Variants in DDX31 observed in about 807,000 individuals in gnomAD.
DDX31 encodes DEAD-box helicase 31, also known as ATP-dependent DNA helicase DDX31.
Under a neutral mutation model 91.3 loss-of-function variants are expected in DDX31, and 70 were observed. That is an observed-to-expected ratio of 0.77 (90% CI 0.63 to 0.94). The LOEUF is 0.94. DDX31 is among the 40% of genes least tolerant of loss of function. DDX31 has a pLI of 0.00. For missense variants in DDX31, 902 were observed against 925.0 expected, an observed-to-expected ratio of 0.98 and a Z score of 0.32; for synonymous variants, 362 against 350.6, an observed-to-expected ratio of 1.03 and a Z score of -0.36.
intron 6 of DDX31, among the ~76,000 whole-genome samples, chr9:132,653,493 T>TGAA (rs1834343966): frequency 3.1e-4 from 1 of 3,210 alleles, no homozygotes. Context: ...AAACTCAGTC[T>TGAA]CAAAAAAAAA....
At chr9:132,669,804 C>T in intron 1 of DDX31, 56 bp downstream of exon 1, 2 of 1,523,746 alleles carry the variant, frequency 1.3e-6, no homozygotes, top group Non-Finnish European at 1.8e-6. Flanking sequence ...CAGCTCGCGG[C>T]GCGCCCACAG....
At chr9:132,624,153 C>A (rs929866171) in intron 17 of DDX31, among the ~76,000 whole-genome samples, 1 of 115,678 alleles carries the variant, frequency 8.6e-6, no homozygotes, top group African/African-American at 3.5e-5. Flanking sequence ...GGCGACAGAG[C>A]GAGACTCCGT....
chr9:132,609,660 C>T lies in DDX31; in HGVS notation c.1994+2427G>A, dbSNP rs148729184. On this transcript the variant is annotated intron_variant, in intron 19 of 19. Transcript: ENST00000372159. ...TCTTTGAGACAGCGTCTCACTCTGT[C>T]GCCCAGGCTGGAGTGCAGTGGCGCG... Among the ~76,000 whole-genome samples, 42 of 152,124 alleles carry T rather than the reference C, an allele frequency of 2.8e-4. No individual in the cohort carries two copies. The East Asian group carries it at 7.9e-3, about 29-fold the overall frequency.
In DDX31 at chr9:132,632,560, A is replaced by AC. The variant is rs536849625; in HGVS notation, c.1441-470dup. ...TTGAGGAACACATTCATGGATTATC[A>AC]CCCCCCGCCCACAACCATGAGCAAC... is the stretch of plus-strand genomic sequence containing the variant. On this transcript the variant is annotated intron_variant, in intron 14 of 19. Transcript: ENST00000372159. Among the ~76,000 whole-genome samples, 370 of 151,354 alleles carry AC rather than the reference A, an allele frequency of 2.4e-3. 1 individual carries two copies. The highest frequency in any genetic ancestry group is 4.0e-3 in the Non-Finnish European group (270 of 67,830).
In DDX31 at chr9:132,635,988, T is replaced by C. The variant is rs148096379; in HGVS notation, c.1441-3897A>G. ...AAAAAGAAAAGAAACACACTCCTGC[T>C]TCCCCCAGCGTCGGAGGCAGGACTT... is the stretch of plus-strand genomic sequence containing the variant. On this transcript the variant is annotated intron_variant, in intron 14 of 19. Transcript: ENST00000372159. Among the ~76,000 whole-genome samples, 724 of 152,150 alleles carry C rather than the reference T, an allele frequency of 4.8e-3. 2 individuals are homozygous for C. Among genetic ancestry groups the C allele is most frequent in the Non-Finnish European group, 6.4e-3 (436 of 67,982 alleles).
At chr9:132,622,360 A>C (rs1004850018) in intron 17 of DDX31, among the ~76,000 whole-genome samples, 1 of 148,364 alleles carries the variant, frequency 6.7e-6, no homozygotes, top group Non-Finnish European at 1.5e-5. Context: ...AGCCAGGGAA[A>C]GTCTTAAGGA....
intron 13 of DDX31, among the ~76,000 whole-genome samples, chr9:132,643,359 G>C (rs11243856): frequency 1.8e-4 from 27 of 152,196 alleles, no homozygotes; most frequent in African/African-American, 6.5e-4. Context: ...CAAATACAAA[G>C]AAATAGAACC....
chr9:132,632,338 A>T (rs1832842570), intron 14 of DDX31, among the ~76,000 whole-genome samples: 1 of 149,126 alleles, frequency 6.7e-6, no homozygotes, highest in Non-Finnish European at 1.5e-5. Flanking sequence ...GACCTACTGC[A>T]GTCCTCTTGT....
intron 19 of DDX31, among the ~76,000 whole-genome samples, chr9:132,601,534 C>T (rs1830721232): frequency 6.6e-6 from 1 of 152,202 alleles, no homozygotes; most frequent in Non-Finnish European, 1.5e-5. Context: ...CACTGCTGAG[C>T]ATCCATCAGT....
At chr9:132,657,458 A>C (rs1281829837) in intron 6 of DDX31, among the ~76,000 whole-genome samples, 1 of 152,164 alleles carries the variant, frequency 6.6e-6, no homozygotes, top group Non-Finnish European at 1.5e-5. Flanking sequence ...TCATTTGTAT[A>C]TTTATTTATT....
Position 132,658,358 on chromosome 9 carries a change from C to G in DDX31, c.588+313G>C, listed in dbSNP as rs960740520. ...TCGTAAAATGTGGATAACAGTAATA[C>G]CTATAACACAGTGGGGGAGAGAGCA... On this transcript the variant is annotated intron_variant, in intron 6 of 19. Coordinates refer to ENST00000372159, the MANE Select transcript of DDX31 (RefSeq NM_022779.9). 11 of 703,140 alleles carry G rather than the reference C, an allele frequency of 1.6e-5. No individual in the cohort carries two copies. In the African/African-American group the frequency reaches 1.9e-4, roughly 12 times the overall value. 43.6% of individuals were successfully genotyped at this position (703,140 alleles called of 1,614,324 possible).
In DDX31 at chr9:132,659,740, C is replaced by G. The variant is rs752222796; in HGVS notation, c.493G>C (p.Asp165His). ...CCCGTCTGGGATCTCACGAGAGCAT[C>G]TCTGCCTTCCAGCAACACAGGAATA... ...QSIPVLLEGR[D>H]ALVRSQTGSG... Residue 165 changes from aspartate (D) to histidine (H), a missense_variant, in exon 5 of 20, where the codon GAT becomes CAT. Physicochemically the swap from Asp to His is moderately conservative, Grantham distance 81. Coordinates refer to ENST00000372159, the MANE Select transcript of DDX31 (RefSeq NM_022779.9). 6 of 1,612,804 alleles carry G rather than the reference C, an allele frequency of 3.7e-6. No individual in the cohort carries two copies. Among genetic ancestry groups the G allele is most frequent in the Non-Finnish European group, 5.1e-6 (6 of 1,179,392 alleles).
intron 6 of DDX31, among the ~76,000 whole-genome samples, chr9:132,655,407 A>T (rs1363027785): frequency 1.3e-5 from 2 of 152,210 alleles, no homozygotes; most frequent in African/African-American, 2.4e-5. Flanking sequence ...GCAACCACTC[A>T]TGTATCAAAC....
At chr9:132,641,698 T>C (rs542242090) in intron 14 of DDX31, among the ~76,000 whole-genome samples, 2 of 152,242 alleles carry the variant, frequency 1.3e-5, no homozygotes, top group Non-Finnish European at 2.9e-5. Context: ...CAGCTCTAAT[T>C]ACTCCCGATA....
chr9:132,642,834 ATT>A (rs764596713), intron 13 of DDX31, among the ~76,000 whole-genome samples: 12 of 142,504 alleles, frequency 8.4e-5, no homozygotes, highest in Non-Finnish European at 1.7e-4. Flanking sequence ...GTTGTCTCTG[ATT>A]TTTTTTTTTT....
rs559987501 is a variant in DDX31, at chr9:132,607,054, G to A, written c.1994+5033C>T. 2.6e-5 allele frequency among the ~76,000 whole-genome samples: 4 copies of A among 152,324 alleles called. No individual in the cohort carries two copies. The South Asian group carries it at 8.3e-4, about 32-fold the overall frequency. On this transcript the variant is annotated intron_variant, in intron 19 of 19. Coordinates refer to ENST00000372159, the MANE Select transcript of DDX31 (RefSeq NM_022779.9). ...CCTGTCCTATCTATGAAGAAGGGGC[G>A]ACTGGTGTGTATGATTTCCACGAGG...
chr9:132,598,651 C>A (rs1446726496), intron 19 of DDX31, among the ~76,000 whole-genome samples: 2 of 152,230 alleles, frequency 1.3e-5, no homozygotes, highest in Admixed American at 1.3e-4. Context: ...TACATTCTCA[C>A]AATGATCTTC....
At chr9:132,658,162 G>A in intron 6 of DDX31, 2 of 621,704 alleles carry the variant, frequency 3.2e-6, no homozygotes, top group East Asian at 5.5e-5. Flanking sequence ...AGACACAGAT[G>A]CATGGCCCCT....
chr9:132,665,558 A>T (rs1041352985), intron 1 of DDX31, among the ~76,000 whole-genome samples: 1 of 152,230 alleles, frequency 6.6e-6, no homozygotes, highest in Non-Finnish European at 1.5e-5. Flanking sequence ...GCCTCTGAGC[A>T]GAGAGGGAGC....
Sources: gnomAD v4.1 joint callset for allele counts (sites outside exome capture counted in the v4.1 genomes callset) on GRCh38, gnomAD v4.1.1 for gene constraint, MANE v1.5 for transcripts, NCBI Gene and HGNC (gene_info 2026-07-23, HGNC 2026-07-21) for gene names.